The following CHD9NB variants were observed in gnomAD, a reference collection of about 807,000 sequenced individuals.
CHD9NB encodes CHD9 neighbor protein.
the CHD9NB span, among the ~76,000 whole-genome samples, chr16:53,045,709 T>C: frequency 6.6e-6 from 1 of 152,208 alleles, no homozygotes; most frequent in African/African-American, 2.4e-5. Context: ...CTCGGGCACT[T>C]TACACAGACC....
At chr16:53,046,497 A>G in the CHD9NB span, among the ~76,000 whole-genome samples, 5 of 144,958 alleles carry the variant, frequency 3.4e-5, no homozygotes, top group East Asian at 2.0e-4. Flanking sequence ...GCAACATGGT[A>G]AAACTCCATC....
At chr16:53,051,209 AG>A in the CHD9NB span, among the ~76,000 whole-genome samples, 1 of 152,128 alleles carries the variant, frequency 6.6e-6, no homozygotes, top group African/African-American at 2.4e-5. Flanking sequence ...TCTTTAATGG[AG>A]ACTCACTCTA....
the CHD9NB span, chr16:53,044,331 C>G: frequency 2.5e-6 from 1 of 394,990 alleles, no homozygotes; most frequent in African/African-American, 2.1e-5. Flanking sequence ...AAGGAGCCCC[C>G]TGTGGGGTGG....
chr16:53,038,208 G>A, the CHD9NB span, among the ~76,000 whole-genome samples: 22 of 152,176 alleles, frequency 1.4e-4, no homozygotes, highest in African/African-American at 4.8e-4. Context: ...TTAGATTAAC[G>A]ACAGTGGGTC....
the CHD9NB span, among the ~76,000 whole-genome samples, chr16:53,051,933 C>A: frequency 2.0e-5 from 3 of 151,206 alleles, no homozygotes; most frequent in Non-Finnish European, 4.4e-5. Flanking sequence ...TCCAGATTCA[C>A]GTTCTGGGTA....
the CHD9NB span, among the ~76,000 whole-genome samples, chr16:53,041,693 C>T: frequency 1.3e-5 from 2 of 151,932 alleles, no homozygotes; most frequent in East Asian, 1.9e-4. Context: ...TGAGTGTGGA[C>T]ATTGCAAGCA....
the CHD9NB span, among the ~76,000 whole-genome samples, chr16:53,037,472 T>C: frequency 1.3e-5 from 2 of 152,316 alleles, no homozygotes; most frequent in South Asian, 4.1e-4. Context: ...AAAGGAAAAG[T>C]TTGTATTATC....
At chr16:53,047,496 G>C in the CHD9NB span, among the ~76,000 whole-genome samples, 1 of 152,166 alleles carries the variant, frequency 6.6e-6, no homozygotes, top group Non-Finnish European at 1.5e-5. Flanking sequence ...CTGGCTTGTA[G>C]ATGGCCCCCT....
the CHD9NB span, among the ~76,000 whole-genome samples, chr16:53,041,326 G>T: frequency 3.3e-5 from 5 of 152,222 alleles, no homozygotes; most frequent in Non-Finnish European, 7.3e-5. Context: ...GGAGACAGAC[G>T]AGTGATGCTA....
the CHD9NB span, among the ~76,000 whole-genome samples, chr16:53,051,558 G>T: frequency 7.3e-6 from 1 of 136,058 alleles, no homozygotes. Flanking sequence ...TCATAGGTGG[G>T]AATTGAACAA....
At chr16:53,040,360 C>A in the CHD9NB span, among the ~76,000 whole-genome samples, 1 of 152,124 alleles carries the variant, frequency 6.6e-6, no homozygotes, top group African/African-American at 2.4e-5. Flanking sequence ...AGGTGTAAGC[C>A]ACTGTGCCCA....
At chr16:53,043,845 G>C in the CHD9NB span, 3,915 of 396,670 alleles carry the variant, frequency 9.9e-3, 30 homozygotes, top group South Asian at 0.024. Flanking sequence ...ATGAGCAAAG[G>C]CTGCTAAAAA....
the CHD9NB span, among the ~76,000 whole-genome samples, chr16:53,051,512 C>A: frequency 6.6e-6 from 1 of 150,426 alleles, no homozygotes; most frequent in East Asian, 2.0e-4. Flanking sequence ...AGCAAATGAT[C>A]GCAAGGACAA....
the CHD9NB span, among the ~76,000 whole-genome samples, chr16:53,046,064 T>C: frequency 4.6e-5 from 7 of 152,142 alleles, no homozygotes; most frequent in Non-Finnish European, 8.8e-5. Flanking sequence ...TCAGAATACA[T>C]TATGATGCTA....
the CHD9NB span, among the ~76,000 whole-genome samples, chr16:53,048,037 G>A: frequency 1.4e-5 from 2 of 141,976 alleles, no homozygotes; most frequent in African/African-American, 5.3e-5. Flanking sequence ...GGGAAGGAAA[G>A]GGAAGGGAGG....
the CHD9NB span, among the ~76,000 whole-genome samples, chr16:53,046,750 T>A: frequency 6.6e-6 from 1 of 152,144 alleles, no homozygotes; most frequent in East Asian, 1.9e-4. Context: ...AGACACATCC[T>A]GGATGAGTTG....
the CHD9NB span, among the ~76,000 whole-genome samples, chr16:53,042,549 C>A: frequency 2.7e-5 from 4 of 148,796 alleles, no homozygotes; most frequent in African/African-American, 9.9e-5. Context: ...TCCCTTCCCT[C>A]CCTCCCTTCT....
At chr16:53,049,465 C>T in the CHD9NB span, among the ~76,000 whole-genome samples, 94 of 152,186 alleles carry the variant, frequency 6.2e-4, no homozygotes, top group African/African-American at 1.7e-3. Context: ...CATGAGCCAC[C>T]GCACCTGGAG....
At chr16:53,037,987 T>C in the CHD9NB span, among the ~76,000 whole-genome samples, 2 of 152,206 alleles carry the variant, frequency 1.3e-5, no homozygotes, top group African/African-American at 2.4e-5. Context: ...TGTTATGCCA[T>C]TGGTATGCTG....
Sources: gnomAD v4.1 joint callset for allele counts (sites outside exome capture counted in the v4.1 genomes callset) on GRCh38, gnomAD v4.1.1 for gene constraint, MANE v1.5 for transcripts, NCBI Gene and HGNC (gene_info 2026-07-23, HGNC 2026-07-21) for gene names.